Variants in LRIG1 observed in about 807,000 individuals in gnomAD.
LRIG1 encodes leucine rich repeats and immunoglobulin like domains 1, also known as leucine-rich repeats and immunoglobulin-like domains protein 1.
In LRIG1, 48 loss-of-function variants were observed where a neutral mutation model predicts 99.2. The observed-to-expected ratio is 0.48, with a 90% confidence interval of 0.38 to 0.62. LRIG1 has a LOEUF of 0.62. Among genes scored for constraint, LRIG1 ranks in the 20% least tolerant of loss-of-function variants. The probability of loss-of-function intolerance (pLI) is 0.00; values close to 1 mark genes in which losing one functional copy is unlikely to be tolerated. For missense variants in LRIG1, 1,646 were observed against 1,434.4 expected (o/e 1.15, Z -2.38); for synonymous variants, 772 against 596.1 (o/e 1.29, Z -4.30).
At chr3:66,439,723 A>G (rs1703480350) in intron 3 of LRIG1, among the ~76,000 whole-genome samples, 1 of 152,152 alleles carries the variant, frequency 6.6e-6, no homozygotes, top group South Asian at 2.1e-4. Context: ...TAGAATGCAA[A>G]TGACAGTTGG....
chr3:66,394,952 C>CT (rs1299723540), intron 11 of LRIG1, among the ~76,000 whole-genome samples: 1 of 152,196 alleles, frequency 6.6e-6, no homozygotes, highest in Admixed American at 6.5e-5. Context: ...CTTTGTGGGG[C>CT]TCCAACCAAA....
chr3:66,467,604 G>A (rs1402148916), intron 1 of LRIG1, among the ~76,000 whole-genome samples: 2 of 151,986 alleles, frequency 1.3e-5, no homozygotes, highest in African/African-American at 4.8e-5. Flanking sequence ...CTCGTGATGT[G>A]CCCGCCTCGG....
intron 5 of LRIG1, among the ~76,000 whole-genome samples, chr3:66,414,548 T>A (rs753892574): frequency 6.6e-6 from 1 of 152,150 alleles, no homozygotes; most frequent in Non-Finnish European, 1.5e-5. Flanking sequence ...GACACCACCA[T>A]GTCCAAGGTA....
intron 3 of LRIG1, among the ~76,000 whole-genome samples, chr3:66,451,069 G>A (rs751109984): frequency 1.2e-4 from 18 of 152,062 alleles, no homozygotes; most frequent in African/African-American, 7.2e-5. Context: ...CAAATAGATC[G>A]CATCTTATCT....
In LRIG1 at chr3:66,415,073, T is replaced by A. The variant is rs1702581310; in HGVS notation, c.504-10A>T. On this transcript the variant is annotated splice_polypyrimidine_tract_variant and intron_variant, in intron 4 of 18. Transcript: ENST00000273261. ...ATTGCCTGCCAGGTTGCTGGAATGA[T>A]TCAGAAAAGAAAATGTGGTGGTTGG... The A allele has an allele frequency of 1.3e-6, 2 of 1,587,074 alleles. No homozygotes were observed. Among genetic ancestry groups the A allele is most frequent in the South Asian group, 2.3e-5 (2 of 86,414 alleles).
intron 2 of LRIG1, among the ~76,000 whole-genome samples, chr3:66,458,285 T>C (rs1331700638): frequency 2.6e-5 from 4 of 152,154 alleles, no homozygotes; most frequent in Non-Finnish European, 4.4e-5. Flanking sequence ...CCAGCTAATT[T>C]TTTGTAGAGA....
Position 66,378,954 on chromosome 3 carries a change from G to A in LRIG1, c.*1309C>T, listed in dbSNP as rs1043074. On this transcript the variant is annotated 3_prime_UTR_variant, in exon 19 of 19. Coordinates refer to ENST00000273261, the MANE Select transcript of LRIG1 (RefSeq NM_015541.3). ...ACTCCCTCTTTCACATTGCCTCTCA[G>A]AAGCAGCAAATTCACATATTTTGTG... 6 of 152,606 alleles carry A rather than the reference G, an allele frequency of 3.9e-5. No individual in the cohort carries two copies. Among genetic ancestry groups the A allele is most frequent in the African/African-American group, 1.4e-4 (6 of 41,440 alleles). The allele number at this position is 152,606 out of a possible 1,614,324, so 9.5% of individuals were successfully genotyped here. A position where few individuals can be genotyped will look rare whatever the true frequency, so the allele number is the denominator to read the frequency against.
At chr3:66,429,790 GTGT>G (rs1703099946) in intron 3 of LRIG1, among the ~76,000 whole-genome samples, 5 of 89,910 alleles carry the variant, frequency 5.6e-5, no homozygotes, top group African/African-American at 2.7e-4. Context: ...CAGGGTGGGT[GTGT>G]GTGTGTGTGT....
chr3:66,436,007 C>A (rs1341436940), intron 3 of LRIG1, among the ~76,000 whole-genome samples: 2 of 152,190 alleles, frequency 1.3e-5, no homozygotes, highest in Non-Finnish European at 2.9e-5. Context: ...CCAACTACCA[C>A]TGGGCTCTGT....
chr3:66,409,248 C>T (rs961701573), intron 7 of LRIG1, among the ~76,000 whole-genome samples: 8 of 152,132 alleles, frequency 5.3e-5, no homozygotes, highest in Admixed American at 2.0e-4. Context: ...TAAAGAAACA[C>T]AGTAGACTAA....
chr3:66,386,741 C>T (rs1701395104), intron 12 of LRIG1: 1 of 154,952 alleles, frequency 6.5e-6, no homozygotes, highest in Admixed American at 6.4e-5. Flanking sequence ...AAAATCTGCA[C>T]CTCCATTAAA....
chr3:66,402,151 G>A (rs1702082368), intron 9 of LRIG1, among the ~76,000 whole-genome samples: 1 of 152,162 alleles, frequency 6.6e-6, no homozygotes, highest in African/African-American at 2.4e-5. Context: ...GAGCCAGCTG[G>A]AACCACTGGG....
At chr3:66,412,083 G>A (rs190772115) in intron 6 of LRIG1, among the ~76,000 whole-genome samples, 1,553 of 152,326 alleles carry the variant, frequency 0.01, 8 homozygotes, top group Non-Finnish European at 0.016. Context: ...TTTTCTGTAT[G>A]CTGCCCTGCT....
At chr3:66,452,076 G>A (rs1703923004) in intron 2 of LRIG1, among the ~76,000 whole-genome samples, 1 of 152,152 alleles carries the variant, frequency 6.6e-6, no homozygotes, top group Non-Finnish European at 1.5e-5. Context: ...GAGTTCTGAG[G>A]GGCTTGGGAC....
rs1559788747 is a variant in LRIG1, at chr3:66,417,322, G to C, written c.366-56C>G. ...ATCTCTTTTTGCAAAGTAACTACAA[G>C]AAACTAGTATTCCTGCACCCCACCC... On this transcript the variant is annotated intron_variant, in intron 3 of 18. Transcript: ENST00000273261. The C allele has an allele frequency of 2.5e-6, 4 of 1,576,522 alleles. No individual in the cohort carries two copies. In the East Asian group the frequency reaches 6.8e-5, roughly 27 times the overall value.
rs1425611577 is a variant in LRIG1 at position 66,383,342 on chromosome 3, C to T, written c.2131G>A (p.Ala711Thr). The stretch of plus-strand genomic sequence containing the variant: ...TTCCCCGTGGCTTTGCATTGGAGGG[C>T]CACTGTTTCTCCCACAGATACCACA... ...DRVVSVGETV[A>T]LQCKATGNPP... Residue 711 changes from alanine to threonine, a missense_variant, in exon 15 of 19, where the codon GCC (alanine) becomes ACC (threonine). Transcript: ENST00000273261. 1 of 1,594,278 alleles carries T rather than the reference C, an allele frequency of 6.3e-7. No individual in the cohort carries two copies. Among genetic ancestry groups the T allele is most frequent in the Non-Finnish European group, 8.6e-7 (1 of 1,165,904 alleles).
chr3:66,447,885 T>C (rs1313286149), intron 3 of LRIG1, among the ~76,000 whole-genome samples: 1 of 152,182 alleles, frequency 6.6e-6, no homozygotes, highest in Non-Finnish European at 1.5e-5. Context: ...TGTCCTGGAT[T>C]TTAAATTAAA....
intron 1 of LRIG1, chr3:66,469,333 T>TTTC (rs1418914796): frequency 2.1e-4 from 32 of 152,352 alleles, no homozygotes; most frequent in African/African-American, 7.2e-4. Context: ...GTTATTTCCA[T>TTTC]TTCTGAAAAT....
At chr3:66,417,295 G>C (rs757052569) in intron 3 of LRIG1, 29 bp from the exon 4 acceptor site, 28 of 1,599,300 alleles carry the variant, frequency 1.8e-5, no homozygotes, top group Middle Eastern at 1.8e-4. Flanking sequence ...GGTGACTTGA[G>C]CATCTCTTTT....
Sources: gnomAD v4.1 joint callset for allele counts (sites outside exome capture counted in the v4.1 genomes callset) on GRCh38, gnomAD v4.1.1 for gene constraint, MANE v1.5 for transcripts, NCBI Gene and HGNC (gene_info 2026-07-23, HGNC 2026-07-21) for gene names.